AKAP9: variants seen among roughly 807,000 people sequenced by gnomAD.
The protein encoded by AKAP9 is A-kinase anchoring protein 9, also known as A-kinase anchor protein 9.
A neutral mutation model predicts 488.5 loss-of-function variants in AKAP9; 311 were observed. The ratio of observed to expected loss-of-function variants is 0.64; its 90% confidence interval spans 0.58 to 0.70. AKAP9 has a LOEUF of 0.70. AKAP9 is among the 30% of genes least tolerant of loss of function. The pLI is 0.00. For synonymous variants in AKAP9, 1,462 were observed against 1,483.5 expected, an observed-to-expected ratio of 0.99 and a Z score of 0.33; for missense variants, 4,215 against 4,374.5, an observed-to-expected ratio of 0.96 and a Z score of 1.03.
Position 92,012,973 on chromosome 7 carries a change from ATTTTTTTTTTTTTTTTTT to A in AKAP9, c.3532+350_3532+367del, listed in dbSNP as rs749688986. On this transcript the variant is annotated intron_variant, in intron 9 of 49. Transcript: ENST00000356239. ...GGTGGTAGACAGTGGTGGGGTTGGA[ATTTTTTTTTTTTTTTTTT>A]TTTTTTTTTTTTTTTTTTGAGACGG... Among the ~76,000 whole-genome samples the A allele has an allele frequency of 7.2e-3, 440 of 60,776 alleles. 4 individuals are homozygous for A. The highest frequency in any genetic ancestry group is 0.021 in the East Asian group (31 of 1,474). 39.9% of individuals were successfully genotyped at this position (60,776 alleles called of 152,430 possible). A position where few individuals can be genotyped will look rare whatever the true frequency, so the allele number is the denominator to read the frequency against.
At chr7:92,036,232 C>T (rs960005474) in intron 16 of AKAP9, among the ~76,000 whole-genome samples, 5 of 151,916 alleles carry the variant, frequency 3.3e-5, no homozygotes, top group Non-Finnish European at 5.9e-5. Context: ...GTTGTTCCCT[C>T]GTAGGTAATA....
At chr7:92,057,670 A>G in intron 22 of AKAP9, 1 of 214,640 alleles carries the variant, frequency 4.7e-6, no homozygotes. Context: ...AAATAATGTT[A>G]CAACTGCATT....
At position 92,001,087 on chromosome 7, in the gene AKAP9, T is replaced by G. The variant is rs781303159; in HGVS notation, c.1170T>G (p.Ser390=). ...ATTCTAAGCAAAAAGAAAGACAGTC[T>G]TCTGAAGAAATAAAACAGTTAATGG... ...LTNSKQKERQ[S]SEEIKQLMGT... Residue 390 remains serine (S), a synonymous_variant, in exon 8 of 50, where the codon TCT becomes TCG. Transcript: ENST00000356239. 2 of 1,613,684 alleles carry G rather than the reference T, an allele frequency of 1.2e-6. No homozygotes were observed. The highest frequency in any genetic ancestry group is 2.7e-5 in the African/African-American group (2 of 74,920).
chr7:92,007,267 T>C (rs1799999482), intron 8 of AKAP9, among the ~76,000 whole-genome samples: 1 of 146,924 alleles, frequency 6.8e-6, no homozygotes, highest in African/African-American at 2.5e-5. Flanking sequence ...AAATTAAGCA[T>C]GAGAACTGAA....
Position 92,098,013 on chromosome 7 carries a change from T to C in AKAP9, c.10608-96T>C. On this transcript the variant is annotated intron_variant, in intron 42 of 49. Transcript: ENST00000356239. ...AGCATGGGATATAAGGGAGAAGTGA[T>C]AGGTGAAGTAGAACGTCGCCTGCTC... 5.6e-6 allele frequency: 5 copies of C among 886,048 alleles called. 1 individual carries two copies. In the South Asian group the frequency reaches 7.2e-5, roughly 13 times the overall value. 54.9% of individuals were successfully genotyped at this position (886,048 alleles called of 1,614,324 possible). A position where few individuals can be genotyped will look rare whatever the true frequency, so the allele number is the denominator to read the frequency against.
At chr7:92,022,134 G>A in intron 12 of AKAP9, 104 bp from the exon 13 acceptor site, 2 of 849,256 alleles carry the variant, frequency 2.4e-6, no homozygotes, top group Admixed American at 1.9e-5. Context: ...ACAATTTTGG[G>A]TGGTTTTAAA....
rs907372253 is a variant in AKAP9 at position 92,022,959 on chromosome 7, C to T, written c.4098C>T (p.His1366=). 3 of 1,613,942 alleles carry T rather than the reference C, an allele frequency of 1.9e-6. No homozygotes were observed. The highest frequency in any genetic ancestry group is 2.7e-5 in the African/African-American group (2 of 74,932). ...AACAAAACTATGAGGCAGAGATCCACTGTTTACAGAAGAGGCTTCAAGCTG... is the reference window on the plus strand; with the variant it reads ...AACAAAACTATGAGGCAGAGATCCATTGTTTACAGAAGAGGCTTCAAGCTG... ...ETEQNYEAEI[H]CLQKRLQAVS... The change falls in exon 14 of 50, where the codon CAC becomes CAT. Residue 1366 remains histidine, a synonymous_variant. Transcript: ENST00000356239.
intron 38 of AKAP9, chr7:92,092,757 C>T (rs1184580974): frequency 4.1e-6 from 1 of 244,128 alleles, no homozygotes; most frequent in African/African-American, 2.3e-5. Context: ...AGCAATCCCC[C>T]CACCTCAGCC....
intron 9 of AKAP9, among the ~76,000 whole-genome samples, 189 bp from the exon 10 acceptor site, chr7:92,014,060 T>G (rs1489640331): frequency 1.3e-5 from 2 of 152,200 alleles, no homozygotes; most frequent in Non-Finnish European, 2.9e-5. Flanking sequence ...TGTACCATTT[T>G]GTGGATAGAA....
chr7:92,108,922 T>C, intron 49 of AKAP9: 1 of 480,290 alleles, frequency 2.1e-6, no homozygotes, highest in Non-Finnish European at 3.8e-6. Flanking sequence ...TGAGCACCAG[T>C]GTGCAAGGTA....
Position 92,022,944 on chromosome 7 carries a change from TGAGGCA to T in AKAP9, c.4087_4092del (p.Ala1363_Glu1364del). 1 of 1,614,066 alleles carries T rather than the reference TGAGGCA, an allele frequency of 6.2e-7. No individual in the cohort carries two copies. The highest frequency in any genetic ancestry group is 8.5e-7 in the Non-Finnish European group (1 of 1,179,956). On this transcript the variant is annotated inframe_deletion, in exon 14 of 50. Coordinates refer to ENST00000356239, the MANE Select transcript of AKAP9 (RefSeq NM_005751.5). Reference sequence around the variant, plus strand: ...AGTTGAAAGAAACTGAACAAAACTATGAGGCAGAGATCCACTGTTTACAGAAGAGGC... The same window carrying T: ...AGTTGAAAGAAACTGAACAAAACTATGAGATCCACTGTTTACAGAAGAGGC...
At chr7:92,042,571 T>G in intron 19 of AKAP9, 97 bp from the exon 20 acceptor site, 2 of 853,412 alleles carry the variant, frequency 2.3e-6, no homozygotes, top group Non-Finnish European at 1.9e-6. Context: ...AGGTTTCTAT[T>G]TTATCTCATA....
At chr7:91,999,285 G>A (rs1252626678) in intron 7 of AKAP9, among the ~76,000 whole-genome samples, 3 of 152,118 alleles carry the variant, frequency 2.0e-5, no homozygotes, top group African/African-American at 7.2e-5. Context: ...GAGTGCAATG[G>A]TGAGATCTCA....
At chr7:92,019,879 T>C (rs748997430) in intron 12 of AKAP9, among the ~76,000 whole-genome samples, 2 of 151,640 alleles carry the variant, frequency 1.3e-5, no homozygotes, top group Non-Finnish European at 1.5e-5. Context: ...CTGGGTGTGG[T>C]GACACGGGCC....
rs549214798 is a variant in AKAP9 at position 91,982,584 on chromosome 7, T to C, written c.351+2251T>C. On this transcript the variant is annotated intron_variant, in intron 3 of 49. Coordinates refer to ENST00000356239, the MANE Select transcript of AKAP9 (RefSeq NM_005751.5). ...TATGTGCCACATTTTCTTTATCCAG[T>C]CTATCATTGATGGACATTTGGGTTG... 6.3e-4 allele frequency among the ~76,000 whole-genome samples: 96 copies of C among 152,324 alleles called. 2 individuals are homozygous for C. Among genetic ancestry groups the C allele is most frequent in the South Asian group, 2.3e-3 (11 of 4,824 alleles).
In AKAP9 at chr7:92,029,786, T is replaced by C. The variant is rs1010922122; in HGVS notation, c.4149-109T>C. 57 of 864,388 alleles carry C rather than the reference T, an allele frequency of 6.6e-5. No individual in the cohort carries two copies. The African/African-American group carries it at 8.7e-4, about 13-fold the overall frequency. The allele number at this position is 864,388 out of a possible 1,614,324, so 53.5% of individuals were successfully genotyped here. ...TGCAATACCTATAACCCTAGACTCATTTTTGTCTCCCATGCCCCAGTACAC... is the reference window on the plus strand; with the variant it reads ...TGCAATACCTATAACCCTAGACTCACTTTTGTCTCCCATGCCCCAGTACAC... On this transcript the variant is annotated intron_variant, in intron 14 of 49. Coordinates refer to ENST00000356239, the MANE Select transcript of AKAP9 (RefSeq NM_005751.5).
At chr7:92,087,670 A>G (rs1363147857) in intron 37 of AKAP9, among the ~76,000 whole-genome samples, 3 of 152,040 alleles carry the variant, frequency 2.0e-5, no homozygotes, top group African/African-American at 7.2e-5. Context: ...GACCAGGGAA[A>G]GTATAAGGTG....
intron 16 of AKAP9, among the ~76,000 whole-genome samples, chr7:92,032,606 G>A (rs1214224344): frequency 6.6e-6 from 1 of 152,022 alleles, no homozygotes; most frequent in East Asian, 1.9e-4. Context: ...TGGAATATGT[G>A]CATTTTAAAG....
rs746577164 is a variant in AKAP9 at position 92,079,111 on chromosome 7, T to A, written c.6978T>A (p.Asp2326Glu). The change falls in exon 31 of 50, where the codon GAT becomes GAA. Residue 2326 changes from aspartate to glutamate, a missense_variant. Asp to Glu is a conservative substitution (Grantham distance 45). Coordinates refer to ENST00000356239, the MANE Select transcript of AKAP9 (RefSeq NM_005751.5). ...VIEEKNELIR[D>E]LETQIECLMS... ...AAGAAAAAAATGAACTGATAAGGGA[T>A]CTTGAAACCCAAATAGAATGTTTGA... 1 of 1,612,212 alleles carries A rather than the reference T, an allele frequency of 6.2e-7. No homozygotes were observed. Among genetic ancestry groups the A allele is most frequent in the South Asian group, 1.1e-5 (1 of 90,548 alleles).
Sources: gnomAD v4.1 joint callset for allele counts (sites outside exome capture counted in the v4.1 genomes callset) on GRCh38, gnomAD v4.1.1 for gene constraint, MANE v1.5 for transcripts, NCBI Gene and HGNC (gene_info 2026-07-23, HGNC 2026-07-21) for gene names.